The following CTNNA1 variants were observed in gnomAD, a reference collection of about 807,000 sequenced individuals.
The protein encoded by CTNNA1 is catenin alpha 1.
A neutral mutation model predicts 98.4 loss-of-function variants in CTNNA1; 37 were observed. The ratio of observed to expected loss-of-function variants is 0.38; its 90% CI spans 0.29 to 0.49. The LOEUF is 0.49. Ranked by LOEUF, CTNNA1 falls within the 20% of genes least tolerant of loss-of-function variation. The probability of loss-of-function intolerance (pLI) is 0.95; values close to 1 mark genes in which losing one functional copy is unlikely to be tolerated. For missense variants in CTNNA1, 761 were observed against 1,147.2 expected (o/e 0.66, Z 4.86); for synonymous variants, 404 against 413.2 (o/e 0.98, Z 0.27).
In CTNNA1 at chr5:138,774,309, G is replaced by A. The variant is rs189084298; in HGVS notation, c.-2-7614G>A. 4.3e-3 allele frequency among the ~76,000 whole-genome samples: 650 copies of A among 152,156 alleles called. 3 individuals are homozygous for A. Among genetic ancestry groups the A allele is most frequent in the Non-Finnish European group, 7.0e-3 (477 of 67,994 alleles). On this transcript the variant is annotated intron_variant, in intron 1 of 17. Coordinates refer to ENST00000302763, the MANE Select transcript of CTNNA1 (RefSeq NM_001903.5). The stretch of plus-strand genomic sequence containing the variant: ...CAAAGTGCTGGGATTACAGGTGGGA[G>A]CCACCACACCTGGCTTTTTTTCTAA...
intron 3 of CTNNA1, among the ~76,000 whole-genome samples, chr5:138,798,538 C>T (rs1757207532): frequency 6.6e-6 from 1 of 152,136 alleles, no homozygotes; most frequent in Admixed American, 6.5e-5. Context: ...TATCCTTTCC[C>T]CGTAACTTTA....
intron 7 of CTNNA1, among the ~76,000 whole-genome samples, chr5:138,857,433 T>A (rs2149869676): frequency 6.6e-6 from 1 of 152,266 alleles, no homozygotes; most frequent in South Asian, 2.1e-4. Flanking sequence ...ATCCTGCTGT[T>A]CCTTTTGTAC....
At chr5:138,796,093 G>C (rs1756939860) in intron 3 of CTNNA1, among the ~76,000 whole-genome samples, 1 of 152,104 alleles carries the variant, frequency 6.6e-6, no homozygotes, top group Non-Finnish European at 1.5e-5. Flanking sequence ...ATCCTCTAGA[G>C]AGTAATATGA....
At chr5:138,813,026 A>G (rs1759005237) in intron 5 of CTNNA1, among the ~76,000 whole-genome samples, 1 of 152,232 alleles carries the variant, frequency 6.6e-6, no homozygotes, top group Non-Finnish European at 1.5e-5. Context: ...TAGTACCTTT[A>G]TCAGTTAGGA....
At position 138,932,311 on chromosome 5, in the gene CTNNA1, T is replaced by C. The variant is rs541716044; in HGVS notation, c.2299-267T>C. Reference sequence around the variant, plus strand: ...CCCGCCGTCATAGGAGGGAAGTCAGTGGGAGGCTCAGAAGGCCTTGGCTAT... The same window carrying C: ...CCCGCCGTCATAGGAGGGAAGTCAGCGGGAGGCTCAGAAGGCCTTGGCTAT... On this transcript the variant is annotated intron_variant, in intron 16 of 17. Transcript: ENST00000302763. The C allele has an allele frequency of 3.2e-6, 4 of 1,231,116 alleles. No individual in the cohort carries two copies. The East Asian group carries it at 1.5e-4, about 46-fold the overall frequency. 76.3% of individuals were successfully genotyped at this position (1,231,116 alleles called of 1,614,324 possible).
At chr5:138,894,939 C>T (rs288007) in intron 9 of CTNNA1, among the ~76,000 whole-genome samples, 39,334 of 152,018 alleles carry the variant, frequency 0.26, 5,372 homozygotes, top group Middle Eastern at 0.32. Context: ...TTTCCTGGAA[C>T]GCTTATCCCC....
At chr5:138,903,968 G>T (rs971193670) in intron 9 of CTNNA1, among the ~76,000 whole-genome samples, 6 of 152,056 alleles carry the variant, frequency 3.9e-5, no homozygotes, top group Non-Finnish European at 5.9e-5. Context: ...ACACATTTTT[G>T]AGGATAACAA....
intron 5 of CTNNA1, among the ~76,000 whole-genome samples, chr5:138,815,882 G>GGT (rs558391523): frequency 7.9e-5 from 12 of 152,222 alleles, no homozygotes; most frequent in South Asian, 4.1e-4. Context: ...CTTGGGCCTT[G>GGT]GTGTATATTC....
intron 9 of CTNNA1, among the ~76,000 whole-genome samples, chr5:138,893,977 G>A (rs1277953369): frequency 6.6e-6 from 1 of 151,852 alleles, no homozygotes; most frequent in Non-Finnish European, 1.5e-5. Context: ...GAGTGCAGTG[G>A]CATGATCTCT....
intron 2 of CTNNA1, 122 bp downstream of exon 2, chr5:138,782,151 A>C (rs749837194): frequency 3.9e-5 from 36 of 922,266 alleles, no homozygotes; most frequent in Non-Finnish European, 5.9e-5. Flanking sequence ...TTTAGGTGAC[A>C]GTTCTTAGAT....
At chr5:138,764,109 C>T (rs542927759) in intron 1 of CTNNA1, among the ~76,000 whole-genome samples, 2 of 152,198 alleles carry the variant, frequency 1.3e-5, no homozygotes, top group Admixed American at 6.5e-5. Context: ...TGCTTGAACC[C>T]GGGAGGTGGA....
intron 3 of CTNNA1, among the ~76,000 whole-genome samples, chr5:138,801,291 G>A (rs1378484389): frequency 6.6e-6 from 1 of 152,146 alleles, no homozygotes; most frequent in Non-Finnish European, 1.5e-5. Flanking sequence ...CATAAGTTTT[G>A]ATTGGTTAAC....
intron 10 of CTNNA1, among the ~76,000 whole-genome samples, chr5:138,906,236 A>C (rs566770612): frequency 6.6e-6 from 1 of 151,752 alleles, no homozygotes; most frequent in Non-Finnish European, 1.5e-5. Flanking sequence ...TCTGATAGAC[A>C]TTTTCCCAGT....
chr5:138,897,683 C>T lies in CTNNA1; in HGVS notation c.1297-6666C>T, dbSNP rs374673342. Among the ~76,000 whole-genome samples the T allele has an allele frequency of 6.6e-5, 10 of 152,236 alleles. No homozygotes were observed. The East Asian group carries it at 1.2e-3, about 18-fold the overall frequency. ...GATTCCAGAATTCTAAGCATACTAG[C>T]TTGATTTTTCTCACATATTCAAGGG... On this transcript the variant is annotated intron_variant, in intron 9 of 17. Transcript: ENST00000302763.
rs551382000 is a variant in CTNNA1 at position 138,780,891 on chromosome 5, TTTC to T, written c.-2-1029_-2-1027del. On this transcript the variant is annotated intron_variant, in intron 1 of 17. Coordinates refer to ENST00000302763, the MANE Select transcript of CTNNA1 (RefSeq NM_001903.5). ...TAGTGTTTACCTCAGCTTCATGCCTTTTCTTTTCTTTTTTTCTTTAATAATTGA... is the reference window on the plus strand; with the variant it reads ...TAGTGTTTACCTCAGCTTCATGCCTTTTTTCTTTTTTTCTTTAATAATTGA... Among the ~76,000 whole-genome samples, 568 of 152,334 alleles carry T rather than the reference TTTC, an allele frequency of 3.7e-3. 3 individuals are homozygous for T. Among genetic ancestry groups the T allele is most frequent in the Admixed American group, 8.1e-3 (124 of 15,294 alleles).
chr5:138,767,509 C>G (rs977177001), intron 1 of CTNNA1, among the ~76,000 whole-genome samples: 3 of 152,186 alleles, frequency 2.0e-5, no homozygotes, highest in African/African-American at 7.2e-5. Flanking sequence ...TGAGTCCTTC[C>G]TGACTATTTG....
At chr5:138,786,959 T>C (rs1433500149) in intron 3 of CTNNA1, among the ~76,000 whole-genome samples, 1 of 152,242 alleles carries the variant, frequency 6.6e-6, no homozygotes, top group Non-Finnish European at 1.5e-5. Flanking sequence ...CGTAAAACCC[T>C]GACCTAACTT....
At chr5:138,875,386 A>G (rs979465744) in intron 7 of CTNNA1, 1 of 986,148 alleles carries the variant, frequency 1.0e-6, no homozygotes, top group South Asian at 4.7e-5. Flanking sequence ...GGCTGACGTC[A>G]CCGGATGACG....
intron 9 of CTNNA1, among the ~76,000 whole-genome samples, chr5:138,902,695 A>C (rs908090703): frequency 6.6e-6 from 1 of 152,218 alleles, no homozygotes; most frequent in Admixed American, 6.5e-5. Flanking sequence ...CTGGGATTAC[A>C]GGCATGAGCC....
Sources: gnomAD v4.1 joint callset for allele counts (sites outside exome capture counted in the v4.1 genomes callset) on GRCh38, gnomAD v4.1.1 for gene constraint, MANE v1.5 for transcripts, NCBI Gene and HGNC (gene_info 2026-07-23, HGNC 2026-07-21) for gene names.